The following KIF26B variants were observed in gnomAD, a reference collection of about 807,000 sequenced individuals.
The protein encoded by KIF26B is kinesin family member 26B, also known as kinesin-like protein KIF26B.
Under a neutral mutation model 151.2 loss-of-function variants are expected in KIF26B, and 63 were observed. That is an observed-to-expected ratio of 0.42 (90% confidence interval 0.34 to 0.51). KIF26B has a LOEUF of 0.51. Among genes scored for constraint, KIF26B ranks in the 20% least tolerant of loss-of-function variants. The pLI, the probability that KIF26B is intolerant of heterozygous loss-of-function variation, is 0.07. For synonymous variants in KIF26B, 1,357 were observed against 1,262.1 expected (o/e 1.08, Z -1.59); for missense variants, 2,813 against 2,913.6 (o/e 0.97, Z 0.79).
At position 245,451,160 on chromosome 1, in the gene KIF26B, T is replaced by C. The variant is rs921706676; in HGVS notation, c.1166+31415T>C. Reference sequence around the variant, plus strand: ...TTCCTTCTGCTTTATGTTATTCTTTTTTGTAACTTTTAGAATTTGGAATTT... The same window carrying C: ...TTCCTTCTGCTTTATGTTATTCTTTCTTGTAACTTTTAGAATTTGGAATTT... On this transcript the variant is annotated intron_variant, in intron 4 of 14. Coordinates refer to ENST00000407071, the MANE Select transcript of KIF26B (RefSeq NM_018012.4). Among the ~76,000 whole-genome samples the C allele has an allele frequency of 3.3e-5, 5 of 152,304 alleles. No homozygotes were observed. In the East Asian group the frequency reaches 9.6e-4, roughly 29 times the overall value.
At chr1:245,644,700 G>A (rs2043928325) in intron 9 of KIF26B, among the ~76,000 whole-genome samples, 1 of 152,188 alleles carries the variant, frequency 6.6e-6, no homozygotes, top group Admixed American at 6.5e-5. Flanking sequence ...TTCCAGGCTG[G>A]CTGTTAGGAA....
rs955771163 is a variant in KIF26B at position 245,407,151 on chromosome 1, A to G, written c.1000-12428A>G. 2.6e-5 allele frequency among the ~76,000 whole-genome samples: 4 copies of G among 152,288 alleles called. No homozygotes were observed. In the East Asian group the frequency reaches 5.8e-4, roughly 22 times the overall value. ...CTCAATTTTGTGACAGGGTCTTTAA[A>G]TTTGTCAGTTTGTGCATTTCATCTT... On this transcript the variant is annotated intron_variant, in intron 3 of 14. Coordinates refer to ENST00000407071, the MANE Select transcript of KIF26B (RefSeq NM_018012.4).
intron 10 of KIF26B, among the ~76,000 whole-genome samples, chr1:245,651,189 A>G (rs2044012244): frequency 6.6e-6 from 1 of 152,194 alleles, no homozygotes; most frequent in African/African-American, 2.4e-5. Flanking sequence ...GTCAGGAACC[A>G]AGGTCATCTT....
At chr1:245,525,018 C>T (rs1661208800) in intron 4 of KIF26B, among the ~76,000 whole-genome samples, 1 of 152,098 alleles carries the variant, frequency 6.6e-6, no homozygotes, top group Non-Finnish European at 1.5e-5. Flanking sequence ...GTAATCTTCT[C>T]TTTTATATTC....
intron 2 of KIF26B, among the ~76,000 whole-genome samples, chr1:245,179,977 G>A (rs891911213): frequency 1.3e-5 from 2 of 152,196 alleles, no homozygotes; most frequent in African/African-American, 2.4e-5. Context: ...CGCCTGGGGG[G>A]CCTGGCCAGG....
At chr1:245,568,659 G>A (rs1433233172) in intron 5 of KIF26B, among the ~76,000 whole-genome samples, 6 of 152,214 alleles carry the variant, frequency 3.9e-5, no homozygotes, top group Admixed American at 6.5e-5. Flanking sequence ...GGCCCTGGGC[G>A]TCACAGGGTC....
chr1:245,298,033 C>T (rs2102976270), intron 2 of KIF26B, among the ~76,000 whole-genome samples: 1 of 152,130 alleles, frequency 6.6e-6, no homozygotes, highest in Non-Finnish European at 1.5e-5. Flanking sequence ...ATTACAGGCT[C>T]CCACCACCAC....
chr1:245,313,473 A>C (rs932306091), intron 2 of KIF26B, among the ~76,000 whole-genome samples: 2 of 152,234 alleles, frequency 1.3e-5, no homozygotes, highest in Non-Finnish European at 2.9e-5. Context: ...CTAATTGTGC[A>C]GCCCTGCCCG....
intron 10 of KIF26B, among the ~76,000 whole-genome samples, chr1:245,672,100 G>A (rs1174390632): frequency 6.6e-6 from 1 of 152,118 alleles, no homozygotes; most frequent in Non-Finnish European, 1.5e-5. Flanking sequence ...GCCAGTCTGA[G>A]CCCATCGGGC....
intron 4 of KIF26B, among the ~76,000 whole-genome samples, chr1:245,529,819 A>G (rs1661321090): frequency 6.6e-6 from 1 of 152,194 alleles, no homozygotes; most frequent in South Asian, 2.1e-4. Context: ...AAAAACGGAC[A>G]AATGGGATCA....
chr1:245,213,727 C>T (rs377009712), intron 2 of KIF26B, among the ~76,000 whole-genome samples: 1 of 152,094 alleles, frequency 6.6e-6, no homozygotes, highest in African/African-American at 2.4e-5. Flanking sequence ...GACCGTGTGC[C>T]GCACCTTTGT....
At position 245,472,718 on chromosome 1, in the gene KIF26B, C is replaced by T. The variant is rs773251813; in HGVS notation, c.1166+52973C>T. On this transcript the variant is annotated intron_variant, in intron 4 of 14. Transcript: ENST00000407071. ...CTGGCTCACTTCACCTTGTTGCCCT[C>T]GGATAACTCCAGTGAACTCCTTCTT... Among the ~76,000 whole-genome samples, 9 of 152,178 alleles carry T rather than the reference C, an allele frequency of 5.9e-5. 1 individual carries two copies. The highest frequency in any genetic ancestry group is 7.3e-5 in the Non-Finnish European group (5 of 68,040).
intron 2 of KIF26B, among the ~76,000 whole-genome samples, chr1:245,215,320 C>A (rs917112641): frequency 6.6e-6 from 1 of 152,084 alleles, no homozygotes; most frequent in African/African-American, 2.4e-5. Flanking sequence ...GTCCAGGTAA[C>A]CTCCCTTCAC....
intron 2 of KIF26B, among the ~76,000 whole-genome samples, chr1:245,165,267 C>A (rs769652464): frequency 1.6e-4 from 25 of 152,214 alleles, no homozygotes; most frequent in Middle Eastern, 3.4e-3. Flanking sequence ...CCATGGGGAG[C>A]TGCTGAGATA....
chr1:245,484,683 C>T (rs912280419), intron 4 of KIF26B, among the ~76,000 whole-genome samples: 2 of 93,820 alleles, frequency 2.1e-5, no homozygotes, highest in African/African-American at 6.3e-5. Flanking sequence ...TTTGGAGCTG[C>T]TTCTCCTCCT....
intron 2 of KIF26B, among the ~76,000 whole-genome samples, chr1:245,308,049 G>T (rs1671592077): frequency 6.6e-6 from 1 of 152,084 alleles, no homozygotes; most frequent in Non-Finnish European, 1.5e-5. Flanking sequence ...CTGTCCATCT[G>T]ACTCGTTTCT....
At position 245,708,201 on chromosome 1, in the gene KIF26B, G is replaced by A. The variant is rs971134025; in HGVS notation, c.*5595G>A. 6.6e-6 allele frequency: 1 copy of A among 152,218 alleles called. No individual in the cohort carries two copies. Among genetic ancestry groups the A allele is most frequent in the African/African-American group, 2.4e-5 (1 of 41,444 alleles). 9.4% of individuals were successfully genotyped at this position (152,218 alleles called of 1,614,324 possible). ...CTCAGGTTCCCGAGTGGAAGACTGG[G>A]GGTCAGAACAGCTGCCCTTCTGGGA... On this transcript the variant is annotated 3_prime_UTR_variant, in exon 15 of 15. Coordinates refer to ENST00000407071, the MANE Select transcript of KIF26B (RefSeq NM_018012.4).
At chr1:245,210,025 G>A (rs1251747300) in intron 2 of KIF26B, among the ~76,000 whole-genome samples, 1 of 152,264 alleles carries the variant, frequency 6.6e-6, no homozygotes, top group Admixed American at 6.5e-5. Context: ...TCCAGCCTTA[G>A]CCCAGATCAA....
chr1:245,435,313 C>T (rs934083162), intron 4 of KIF26B, among the ~76,000 whole-genome samples: 1 of 152,182 alleles, frequency 6.6e-6, no homozygotes, highest in African/African-American at 2.4e-5. Context: ...CAGGATAGGA[C>T]AGTGAGAAAG....
Sources: allele counts gnomAD v4.1 joint callset (sites outside exome capture counted in the v4.1 genomes callset), GRCh38; gene constraint gnomAD v4.1.1; transcripts MANE v1.5; gene names NCBI Gene and HGNC (gene_info 2026-07-23, HGNC 2026-07-21).